CEP89: variants seen among roughly 807,000 people sequenced by gnomAD.
CEP89 encodes centrosomal protein of 89 kDa.
CEP89 carries 95 observed loss-of-function variants against 97.6 expected under a neutral mutation model. The ratio of observed to expected loss-of-function variants is 0.97; its 90% CI spans 0.82 to 1.15. The LOEUF (loss-of-function observed/expected upper bound fraction) is 1.15, where lower values mean the gene tolerates loss of function less well. Ranked by LOEUF, CEP89 falls within the 50% of genes most tolerant of loss-of-function variation. CEP89 has a pLI of 0.00. For synonymous variants in CEP89, 354 were observed against 349.1 expected (o/e 1.01, Z -0.16); for missense variants, 869 against 947.7 (o/e 0.92, Z 1.09).
intron 15 of CEP89, among the ~76,000 whole-genome samples, chr19:32,900,735 A>G (rs1969747942): frequency 6.6e-6 from 1 of 152,222 alleles, no homozygotes; most frequent in African/African-American, 2.4e-5. Flanking sequence ...TATTTCAATT[A>G]TAGACTTTAG....
intron 17 of CEP89, among the ~76,000 whole-genome samples, chr19:32,882,608 T>C (rs954439205): frequency 1.3e-5 from 2 of 152,030 alleles, no homozygotes; most frequent in African/African-American, 4.8e-5. Flanking sequence ...CTGGATGTTC[T>C]TGCAAATTAA....
rs1257992065 is a variant in CEP89 at position 32,878,272 on chromosome 19, A to C, written c.*890T>G. The C allele has an allele frequency of 6.5e-6, 1 of 152,674 alleles. No individual in the cohort carries two copies. Among genetic ancestry groups the C allele is most frequent in the Non-Finnish European group, 1.5e-5 (1 of 68,418 alleles). The allele number at this position is 152,674 out of a possible 1,614,324, so 9.5% of individuals were successfully genotyped here. ...AACAAACAAACAAAAGTAACAACTA[A>C]ACAAAAGAGAATAAAGTACTTGCTC... On this transcript the variant is annotated 3_prime_UTR_variant, in exon 19 of 19. Transcript: ENST00000305768.
At chr19:32,964,773 A>G (rs1382566373) in intron 2 of CEP89, among the ~76,000 whole-genome samples, 2 of 152,168 alleles carry the variant, frequency 1.3e-5, no homozygotes, top group Non-Finnish European at 2.9e-5. Context: ...AGGAGCATGA[A>G]AGGTGGCAGA....
At chr19:32,966,564 C>T in intron 1 of CEP89, 98 bp from the exon 2 acceptor site, 1 of 580,752 alleles carries the variant, frequency 1.7e-6, no homozygotes, top group Non-Finnish European at 2.8e-6. Flanking sequence ...GACACCTGCA[C>T]TGGCCACCCA....
chr19:32,935,052 C>T (rs1468972824), intron 7 of CEP89, among the ~76,000 whole-genome samples: 1 of 152,200 alleles, frequency 6.6e-6, no homozygotes, highest in Non-Finnish European at 1.5e-5. Flanking sequence ...AAGGGGTTAA[C>T]CCACCTGACC....
At chr19:32,914,418 C>G (rs1227695982) in intron 14 of CEP89, among the ~76,000 whole-genome samples, 1 of 151,942 alleles carries the variant, frequency 6.6e-6, no homozygotes. Context: ...TACCACCACG[C>G]CTGGCTAGTT....
chr19:32,962,078 C>G (rs1971181139), intron 2 of CEP89, among the ~76,000 whole-genome samples: 1 of 151,110 alleles, frequency 6.6e-6, no homozygotes. Context: ...TGGATCTATA[C>G]CTTACACACT....
chr19:32,901,514 C>A (rs112435087), intron 14 of CEP89, 102 bp from the exon 15 acceptor site: 1 of 1,232,766 alleles, frequency 8.1e-7, no homozygotes, highest in Non-Finnish European at 1.1e-6. Flanking sequence ...AGCCCTCCAG[C>A]CCCTGGGTGG....
Position 32,881,831 on chromosome 19 carries a change from G to T in CEP89, c.2135+13C>A, listed in dbSNP as rs753458762. On this transcript the variant is annotated intron_variant, in intron 18 of 18. Transcript: ENST00000305768. ...ACATCTCTGCGGGCCATGGCGCAGGGCGCATGCCCCACCTGTTCTGCTGCA... is the reference window on the plus strand; with the variant it reads ...ACATCTCTGCGGGCCATGGCGCAGGTCGCATGCCCCACCTGTTCTGCTGCA... The T allele has an allele frequency of 6.3e-7, 1 of 1,594,218 alleles. No homozygotes were observed. The highest frequency in any genetic ancestry group is 8.5e-7 in the Non-Finnish European group (1 of 1,175,816).
intron 11 of CEP89, 28 bp from the exon 12 acceptor site, chr19:32,923,570 C>T: frequency 1.5e-6 from 2 of 1,305,024 alleles, no homozygotes; most frequent in Non-Finnish European, 2.2e-6. Context: ...TAAATTATAA[C>T]ACACACATAC....
At chr19:32,966,897 T>A (rs1327570235) in intron 1 of CEP89, among the ~76,000 whole-genome samples, 1 of 152,146 alleles carries the variant, frequency 6.6e-6, no homozygotes, top group Non-Finnish European at 1.5e-5. Flanking sequence ...CAGAGTGGAG[T>A]GCAGTGGTAC....
intron 5 of CEP89, among the ~76,000 whole-genome samples, chr19:32,942,418 G>A (rs1368919062): frequency 6.6e-6 from 1 of 152,206 alleles, no homozygotes. Context: ...TAGAAGTGGG[G>A]AGATGCATAG....
rs1451699604 is a variant in CEP89, at chr19:32,959,989, G to A, written c.216C>T (p.Arg72=). Residue 72 remains arginine (R), a synonymous_variant, in exon 3 of 19, where the codon CGC becomes CGT. Coordinates refer to ENST00000305768, the MANE Select transcript of CEP89 (RefSeq NM_032816.5). ...CATCACTCTCAGACCGGGACCTCTG[G>A]CGAGGCTGAGGAATAGCAACCGTCC... ...TGRTVAIPQP[R]QRSRSESDVS... 1 of 1,614,178 alleles carries A rather than the reference G, an allele frequency of 6.2e-7. No homozygotes were observed. The highest frequency in any genetic ancestry group is 8.5e-7 in the Non-Finnish European group (1 of 1,180,026).
At position 32,879,052 on chromosome 19, in the gene CEP89, C is replaced by G; in HGVS notation, c.*110G>C. ...TATTTCTTCCCTGCCCTGCAGCGTT[C>G]AGTGGGCTTACGCACCTCCGGCTGC... On this transcript the variant is annotated 3_prime_UTR_variant, in exon 19 of 19. Transcript: ENST00000305768. The G allele has an allele frequency of 1.3e-6, 1 of 760,478 alleles. No individual in the cohort carries two copies. Among genetic ancestry groups the G allele is most frequent in the Non-Finnish European group, 2.2e-6 (1 of 456,330 alleles). The allele number at this position is 760,478 out of a possible 1,614,324, so 47.1% of individuals were successfully genotyped here. A position where few individuals can be genotyped will look rare whatever the true frequency, so the allele number is the denominator to read the frequency against.
chr19:32,966,330 G>T (rs1309853048), intron 2 of CEP89, 30 bp downstream of exon 2: 1 of 1,289,518 alleles, frequency 7.8e-7, no homozygotes, highest in Non-Finnish European at 1.1e-6. Flanking sequence ...GCACAGGGGT[G>T]ACCTCAGTGC....
intron 9 of CEP89, among the ~76,000 whole-genome samples, chr19:32,930,163 T>C (rs1970442413): frequency 2.0e-5 from 3 of 151,832 alleles, no homozygotes; most frequent in Admixed American, 2.0e-4. Flanking sequence ...GTAGCTGGGA[T>C]TACAGGTGCG....
intron 12 of CEP89, among the ~76,000 whole-genome samples, chr19:32,919,169 G>C (rs918018164): frequency 6.6e-6 from 1 of 152,112 alleles, no homozygotes; most frequent in Non-Finnish European, 1.5e-5. Flanking sequence ...ATAGGCATGA[G>C]CCACCGCGTC....
chr19:32,889,864 C>T (rs960368299), intron 16 of CEP89, among the ~76,000 whole-genome samples: 4 of 152,092 alleles, frequency 2.6e-5, no homozygotes, highest in African/African-American at 9.7e-5. Context: ...CTCCATGTCC[C>T]GGTGAGGAAG....
chr19:32,879,898 A>G (rs1348891347), intron 18 of CEP89, among the ~76,000 whole-genome samples: 1 of 152,156 alleles, frequency 6.6e-6, no homozygotes, highest in Non-Finnish European at 1.5e-5. Flanking sequence ...TACAGCCCAG[A>G]GCTAAGAGCG....
Sources: allele counts gnomAD v4.1 joint callset (sites outside exome capture counted in the v4.1 genomes callset), GRCh38; gene constraint gnomAD v4.1.1; transcripts MANE v1.5; gene names NCBI Gene and HGNC (gene_info 2026-07-23, HGNC 2026-07-21).